The following ST7 variants were observed in gnomAD, a reference collection of about 807,000 sequenced individuals.
The protein encoded by ST7 is suppression of tumorigenicity 7, also known as suppressor of tumorigenicity 7 protein.
ST7 carries 28 observed loss-of-function variants against 78.7 expected under a neutral mutation model. The ratio of observed to expected loss-of-function variants is 0.36; its 90% CI spans 0.26 to 0.49. ST7 has a LOEUF of 0.49. Ranked by LOEUF, ST7 falls within the 20% of genes least tolerant of loss-of-function variation. ST7 has a pLI of 0.99. For missense variants in ST7, 418 were observed against 696.0 expected (o/e 0.60, Z 4.49); for synonymous variants, 247 against 249.6 (o/e 0.99, Z 0.10).
At chr7:117,079,177 G>T (rs537717914) in intron 1 of ST7, among the ~76,000 whole-genome samples, 1 of 152,146 alleles carries the variant, frequency 6.6e-6, no homozygotes, top group African/African-American at 2.4e-5. Flanking sequence ...AAACAATAGA[G>T]TAAATGCTAT....
At chr7:117,081,814 A>G (rs945564279) in intron 1 of ST7, among the ~76,000 whole-genome samples, 26 of 152,326 alleles carry the variant, frequency 1.7e-4, no homozygotes, top group African/African-American at 6.3e-4. Context: ...TAGACTTGAT[A>G]TACCAGGGTT....
chr7:117,075,300 A>G (rs2116552301), intron 1 of ST7, among the ~76,000 whole-genome samples: 1 of 152,356 alleles, frequency 6.6e-6, no homozygotes, highest in South Asian at 2.1e-4. Flanking sequence ...ATTATATGCC[A>G]TTGAACTCAA....
At chr7:117,074,774 A>G (rs1799225034) in intron 1 of ST7, 1 of 152,192 alleles carries the variant, frequency 6.6e-6, no homozygotes, top group South Asian at 2.1e-4. Context: ...AACCCCTGCA[A>G]AATTAGATGT....
chr7:117,088,569 G>A (rs1261866250), intron 1 of ST7, among the ~76,000 whole-genome samples: 1 of 152,070 alleles, frequency 6.6e-6, no homozygotes. Context: ...CTTTTATTAG[G>A]TTCCAGCACA....
chr7:117,031,212 G>A (rs1796456703), intron 1 of ST7, among the ~76,000 whole-genome samples: 1 of 151,570 alleles, frequency 6.6e-6, no homozygotes, highest in Non-Finnish European at 1.5e-5. Context: ...AGGAGGGAGA[G>A]GTTCAGAAAA....
chr7:117,154,929 A>G (rs1371521333), intron 9 of ST7, among the ~76,000 whole-genome samples: 1 of 152,100 alleles, frequency 6.6e-6, no homozygotes, highest in Non-Finnish European at 1.5e-5. Context: ...GGAGTGTAAG[A>G]AGGGATGATG....
chr7:117,050,023 G>A (rs60715492), intron 1 of ST7, among the ~76,000 whole-genome samples: 11,217 of 150,322 alleles, frequency 0.075, 1,063 homozygotes, highest in East Asian at 0.38. Context: ...CGGCTAACAC[G>A]GTGAAACCCT....
chr7:117,009,888 G>C lies in ST7; in HGVS notation c.151+56197G>C, dbSNP rs551172149. ...AGGGAGTGGCCCTACAACCATGTAA[G>C]AGATCTGTGCTTTGCAGCCACTGAG... On this transcript the variant is annotated intron_variant, in intron 1 of 15. Coordinates refer to ENST00000323984, the MANE Select transcript of ST7 (RefSeq NM_001369598.1). Among the ~76,000 whole-genome samples the C allele has an allele frequency of 1.8e-4, 28 of 152,274 alleles. 1 individual carries two copies. In the South Asian group the frequency reaches 5.6e-3, roughly 30 times the overall value.
intron 10 of ST7, chr7:117,187,845 A>T (rs1809409489): frequency 6.6e-6 from 1 of 152,174 alleles, no homozygotes; most frequent in African/African-American, 2.4e-5. Context: ...CAATGAGTAT[A>T]CCCTAGAAAA....
chr7:117,098,075 G>A (rs1437530032), intron 1 of ST7, among the ~76,000 whole-genome samples: 7 of 150,626 alleles, frequency 4.6e-5, no homozygotes, highest in Non-Finnish European at 1.0e-4. Flanking sequence ...TGAACACATT[G>A]TGTTAGTCCA....
intron 1 of ST7, among the ~76,000 whole-genome samples, chr7:117,025,730 C>T (rs1427680481): frequency 2.0e-5 from 3 of 152,114 alleles, no homozygotes; most frequent in Non-Finnish European, 4.4e-5. Flanking sequence ...ATGTATTTGA[C>T]TCATCTTACC....
chr7:117,211,410 A>G (rs909155293), intron 13 of ST7, among the ~76,000 whole-genome samples: 5 of 152,220 alleles, frequency 3.3e-5, no homozygotes, highest in African/African-American at 1.2e-4. Flanking sequence ...AAGATGTTCT[A>G]TCAGAAAGGA....
At chr7:117,130,131 A>G (rs185241829) in intron 4 of ST7, among the ~76,000 whole-genome samples, 1 of 152,038 alleles carries the variant, frequency 6.6e-6, no homozygotes, top group Admixed American at 6.6e-5. Context: ...TACCTGGAAT[A>G]TGGTTATAGA....
intron 1 of ST7, among the ~76,000 whole-genome samples, chr7:117,031,887 T>G (rs1206917914): frequency 1.5e-5 from 2 of 135,690 alleles, no homozygotes; most frequent in African/African-American, 2.6e-5. Flanking sequence ...TATATATTTT[T>G]TTTTTTTTTT....
At chr7:117,225,232 C>T (rs1793363156) in intron 15 of ST7, among the ~76,000 whole-genome samples, 1 of 152,150 alleles carries the variant, frequency 6.6e-6, no homozygotes, top group Admixed American at 6.5e-5. Flanking sequence ...CAACTCGCCT[C>T]ATTTCATGTT....
intron 1 of ST7, among the ~76,000 whole-genome samples, chr7:117,061,516 A>G (rs1798351809): frequency 6.6e-6 from 1 of 152,216 alleles, no homozygotes; most frequent in Admixed American, 6.5e-5. Flanking sequence ...AAACCCAGAG[A>G]ACATTTATGT....
Position 117,107,123 on chromosome 7 carries a change from A to G in ST7, c.234+7279A>G, listed in dbSNP as rs112516884. On this transcript the variant is annotated intron_variant, in intron 2 of 15. Coordinates refer to ENST00000323984, the MANE Select transcript of ST7 (RefSeq NM_001369598.1). ...GGTGTGTGTGTATGTGTATATATAT[A>G]TATATGTATACATACACACACACCA... is the stretch of plus-strand genomic sequence containing the variant. Among the ~76,000 whole-genome samples, 423 of 152,194 alleles carry G rather than the reference A, an allele frequency of 2.8e-3. 1 individual carries two copies. Among genetic ancestry groups the G allele is most frequent in the African/African-American group, 9.4e-3 (389 of 41,502 alleles).
chr7:117,086,871 T>C (rs1346162926), intron 1 of ST7, among the ~76,000 whole-genome samples: 1 of 152,218 alleles, frequency 6.6e-6, no homozygotes, highest in Non-Finnish European at 1.5e-5. Flanking sequence ...CAAACGTAGT[T>C]ATTGGAATTG....
intron 12 of ST7, among the ~76,000 whole-genome samples, chr7:117,206,470 C>T (rs780278239): frequency 2.0e-5 from 3 of 151,950 alleles, no homozygotes; most frequent in South Asian, 2.1e-4. Context: ...TATAAGGTGG[C>T]GTGTGATTAG....
Sources: gnomAD v4.1 joint callset for allele counts (sites outside exome capture counted in the v4.1 genomes callset) on GRCh38, gnomAD v4.1.1 for gene constraint, MANE v1.5 for transcripts, NCBI Gene and HGNC (gene_info 2026-07-23, HGNC 2026-07-21) for gene names.